Variants in GNMT observed in about 807,000 individuals in gnomAD.
GNMT encodes glycine N-methyltransferase.
In GNMT, 26 loss-of-function variants were observed where a neutral mutation model predicts 30.2. The ratio of observed to expected loss-of-function variants is 0.86; its 90% CI spans 0.63 to 1.19. GNMT has a LOEUF of 1.19. Among genes scored for constraint, GNMT ranks in the 50% most tolerant of loss-of-function variants. The pLI is 0.00. For synonymous variants in GNMT, 163 were observed against 163.8 expected (o/e 1.00, Z 0.04); for missense variants, 365 against 398.1 (o/e 0.92, Z 0.71).
chr6:42,962,976 T>G (rs577108844), intron 3 of GNMT, 96 bp from the exon 4 acceptor site: 51 of 1,585,566 alleles, frequency 3.2e-5, no homozygotes, highest in Non-Finnish European at 4.3e-5. Context: ...CTCTCTGCCT[T>G]GGCTCTGGCA....
chr6:42,963,835 TC>T lies in GNMT; in HGVS notation c.*131del. 1 of 822,550 alleles carries T rather than the reference TC, an allele frequency of 1.2e-6. No individual in the cohort carries two copies. The highest frequency in any genetic ancestry group is 2.1e-6 in the Non-Finnish European group (1 of 485,138). 51.0% of individuals were successfully genotyped at this position (822,550 alleles called of 1,614,324 possible). A position where few individuals can be genotyped will look rare whatever the true frequency, so the allele number is the denominator to read the frequency against. On this transcript the variant is annotated 3_prime_UTR_variant, in exon 6 of 6. Transcript: ENST00000372808. ...ACAGCTGGGGTGCAGGGATGTGGGT[TC>T]CACAGACGGAAGGGTAAACAATATA...
rs121907888 is a variant in GNMT, at chr6:42,960,916, T to C, written c.149T>C (p.Leu50Pro). 3.2e-6 allele frequency: 5 copies of C among 1,563,860 alleles called. No individual in the cohort carries two copies. The East Asian group carries it at 9.4e-5, about 29-fold the overall frequency. ...ACCGCCGAGTACAAGGCATGGCTGC[T>C]TGGGCTGCTGCGCCAGCACGGCTGC... ...SRTAEYKAWLLGLLRQHGCQR... is the reference protein window; with the variant it reads ...SRTAEYKAWLPGLLRQHGCQR... Residue 50 changes from leucine to proline, a missense_variant, in exon 1 of 6, where the codon CTT (leucine) becomes CCT (proline). Around this residue, in one of 3 missense-constraint regions of GNMT, gnomAD observed 125 missense variants for 112.0 expected, o/e 1.12. Coordinates refer to ENST00000372808, the MANE Select transcript of GNMT (RefSeq NM_018960.6).
intron 1 of GNMT, among the ~76,000 whole-genome samples, chr6:42,961,959 A>T (rs962525138): frequency 6.6e-6 from 1 of 152,082 alleles, no homozygotes; most frequent in Non-Finnish European, 1.5e-5. Context: ...GACACTATTT[A>T]CCTCTCAGGA....
intron 3 of GNMT, 90 bp downstream of exon 3, chr6:42,962,968 C>A (rs1317091612): frequency 1.1e-5 from 18 of 1,578,032 alleles, no homozygotes; most frequent in Non-Finnish European, 1.1e-5. Flanking sequence ...AAAGCAGACT[C>A]TCTGCCTTGG....
intron 2 of GNMT, 121 bp from the exon 3 acceptor site, chr6:42,962,640 CT>C (rs1561815894): frequency 1.2e-6 from 1 of 830,444 alleles, no homozygotes. Context: ...TCTCCTCCCC[CT>C]AACTGAACGG....
chr6:42,963,656 C>G lies in GNMT; in HGVS notation c.838C>G (p.Gln280Glu). The G allele has an allele frequency of 6.2e-7, 1 of 1,614,170 alleles. No individual in the cohort carries two copies. Among genetic ancestry groups the G allele is most frequent in the Non-Finnish European group, 8.5e-7 (1 of 1,179,992 alleles). The change falls in exon 6 of 6, where the codon CAA becomes GAA. Residue 280 changes from glutamine (Q) to glutamate (E), a missense_variant. Transcript: ENST00000372808. ...LGDFKPYKPG[Q>E]TYIPCYFIHV... ...CGACTTCAAGCCTTACAAGCCAGGC[C>G]AAACCTACATTCCCTGCTACTTCAT...
chr6:42,963,075 A>C lies in GNMT; in HGVS notation c.455A>C (p.Asp152Ala). Residue 152 changes from aspartate (D) to alanine (A), a missense_variant, in exon 4 of 6, where the codon GAC becomes GCC. Asp to Ala is a moderately radical substitution (Grantham distance 126). Coordinates refer to ENST00000372808, the MANE Select transcript of GNMT (RefSeq NM_018960.6). ...TCTGCCCGTGCCTGGAGCTCAGGGG[A>C]CCAGAGTGAGCACCGGCTGGCGCTG... ...SFAHLPDCKG[D>A]QSEHRLALKN... 6.2e-7 allele frequency: 1 copy of C among 1,611,660 alleles called. No individual in the cohort carries two copies. The highest frequency in any genetic ancestry group is 1.1e-5 in the South Asian group (1 of 90,998).
intron 1 of GNMT, among the ~76,000 whole-genome samples, chr6:42,961,550 C>CTTTTTT (rs575786265): frequency 1.1e-4 from 15 of 130,636 alleles, no homozygotes; most frequent in African/African-American, 2.8e-4. Context: ...CTATTTTTCT[C>CTTTTTT]TTTTTTTTTT....
At position 42,962,239 on chromosome 6, in the gene GNMT, G is replaced by A. The variant is rs1398349673; in HGVS notation, c.234G>A (p.Glu78=). The A allele has an allele frequency of 2.5e-6, 4 of 1,614,164 alleles. No homozygotes were observed. Among genetic ancestry groups the A allele is most frequent in the Non-Finnish European group, 3.4e-6 (4 of 1,180,026 alleles). ...TGGACTCCATTATGCTGGTGGAAGA[G>A]GGCTTCAGTGTGACGAGTGTGGATG... is the stretch of plus-strand genomic sequence containing the variant. ...TGVDSIMLVE[E]GFSVTSVDAS... The change falls in exon 2 of 6, where the codon GAG becomes GAA. Residue 78 remains glutamate, a synonymous_variant. Transcript: ENST00000372808.
chr6:42,962,429 A>G, intron 2 of GNMT, 90 bp downstream of exon 2: 6 of 1,398,612 alleles, frequency 4.3e-6, no homozygotes, highest in Non-Finnish European at 5.0e-6. Context: ...GCGGGGGTGG[A>G]GTGTTGTGTT....
chr6:42,961,041 C>T, intron 1 of GNMT, 68 bp downstream of exon 1: 1 of 1,306,700 alleles, frequency 7.7e-7, no homozygotes. Flanking sequence ...ACTGCGCGGC[C>T]GCAGAACCAC....
rs1769441396 is a variant in GNMT at position 42,962,303 on chromosome 6, T to C, written c.298T>C (p.Trp100Arg). The C allele has an allele frequency of 1.1e-5, 18 of 1,614,010 alleles. No individual in the cohort carries two copies. Among genetic ancestry groups the C allele is most frequent in the Non-Finnish European group, 1.5e-5 (18 of 1,180,022 alleles). ...KMLKYALKER[W>R]NRRHEPAFDK... ...GCTGAAGTATGCACTTAAGGAGCGC[T>C]GGAACCGGCGGCACGAGCCCGCCTT... is the stretch of plus-strand genomic sequence containing the variant. The change falls in exon 2 of 6, where the codon TGG (tryptophan) becomes CGG (arginine). Residue 100 changes from tryptophan (W) to arginine (R), a missense_variant. Physicochemically the swap from Trp to Arg is moderately radical, Grantham distance 101. Around this residue, in one of 3 missense-constraint regions of GNMT, gnomAD observed 232 missense variants for 263.0 expected, o/e 0.88. Coordinates refer to ENST00000372808, the MANE Select transcript of GNMT (RefSeq NM_018960.6).
intron 1 of GNMT, 92 bp downstream of exon 1, chr6:42,961,065 T>G (rs996196206): frequency 2.7e-6 from 3 of 1,123,912 alleles, no homozygotes; most frequent in African/African-American, 3.2e-5. Context: ...GCCGGGCACG[T>G]CAGGGCGGCC....
In GNMT at chr6:42,962,874, C is replaced by T; in HGVS notation, c.447C>T (p.Cys149=). The change falls in exon 3 of 6, where the codon TGC becomes TGT. Residue 149 remains cysteine (C), a synonymous_variant. Transcript: ENST00000372808. ...LGNSFAHLPD[C]KGDQSEHRLA... is the part of the protein sequence containing the mutation. ...ACAGTTTCGCTCACTTGCCAGACTG[C>T]AAAGGTAAGAGAGGGTGTGGCCTTG... is the stretch of plus-strand genomic sequence containing the variant. 2 of 1,611,722 alleles carry T rather than the reference C, an allele frequency of 1.2e-6. No homozygotes were observed. Among genetic ancestry groups the T allele is most frequent in the Non-Finnish European group, 1.7e-6 (2 of 1,177,752 alleles).
At position 42,960,868 on chromosome 6, in the gene GNMT, A is replaced by G. The variant is rs2114223443; in HGVS notation, c.101A>G (p.Tyr34Cys). Residue 34 changes from tyrosine to cysteine, a missense_variant, in exon 1 of 6, where the codon TAT (tyrosine) becomes TGT (cysteine). Physicochemically the swap from Tyr to Cys is radical, Grantham distance 194. Coordinates refer to ENST00000372808, the MANE Select transcript of GNMT (RefSeq NM_018960.6). The stretch of plus-strand genomic sequence containing the variant: ...GAGGCGGCGCGCGTGTGGCAGCTGT[A>G]TATCGGAGACACCCGCAGCCGCACC... ...DGEAARVWQLYIGDTRSRTAE... is the reference protein window; with the variant it reads ...DGEAARVWQLCIGDTRSRTAE... 7.1e-6 allele frequency: 11 copies of G among 1,555,674 alleles called. No homozygotes were observed. The South Asian group carries it at 1.3e-4, about 18-fold the overall frequency.
In GNMT at chr6:42,963,542, C is replaced by T. The variant is rs946974235; in HGVS notation, c.724C>T (p.Arg242Trp). Residue 242 changes from arginine to tryptophan, a missense_variant, in exon 6 of 6, where the codon CGG (arginine) becomes TGG (tryptophan). Coordinates refer to ENST00000372808, the MANE Select transcript of GNMT (RefSeq NM_018960.6). ...QDGSPGLSKF[R>W]LSYYPHCLAS... ...CTGGGGCCTCTGTTACAGTAAGTTCCGGCTCTCCTACTACCCACACTGTCT... is the reference window on the plus strand; with the variant it reads ...CTGGGGCCTCTGTTACAGTAAGTTCTGGCTCTCCTACTACCCACACTGTCT... 20 of 1,613,864 alleles carry T rather than the reference C, an allele frequency of 1.2e-5. No homozygotes were observed. The highest frequency in any genetic ancestry group is 4.0e-5 in the African/African-American group (3 of 74,906).
chr6:42,963,737 CA>C lies in GNMT; in HGVS notation c.*32del. 1 of 1,607,814 alleles carries C rather than the reference CA, an allele frequency of 6.2e-7. No individual in the cohort carries two copies. ...GCCTCAGCTCCCACAAGCCTCTGCCCAGGCACTGCTAGGCTCTGTCTGGAAG... is the reference window on the plus strand; with the variant it reads ...GCCTCAGCTCCCACAAGCCTCTGCCCGGCACTGCTAGGCTCTGTCTGGAAG... On this transcript the variant is annotated 3_prime_UTR_variant, in exon 6 of 6. Transcript: ENST00000372808.
At chr6:42,962,987 C>A (rs1410719599) in intron 3 of GNMT, 85 bp from the exon 4 acceptor site, 1 of 1,597,272 alleles carries the variant, frequency 6.3e-7, no homozygotes, top group Non-Finnish European at 8.6e-7. Context: ...GGCTCTGGCA[C>A]CCCTGGGGAG....
intron 1 of GNMT, among the ~76,000 whole-genome samples, 187 bp from the exon 2 acceptor site, chr6:42,962,025 T>TA (rs1335285635): frequency 5.3e-5 from 8 of 152,082 alleles, no homozygotes; most frequent in Admixed American, 2.0e-4. Flanking sequence ...GAGGTGCTTT[T>TA]AAAAAAAAGT....
Sources: gnomAD v4.1 joint callset for allele counts (sites outside exome capture counted in the v4.1 genomes callset) on GRCh38, gnomAD v4.1.1 for gene constraint, gnomAD v4.1.1 regional missense constraint, MANE v1.5 for transcripts, NCBI Gene and HGNC (gene_info 2026-07-23, HGNC 2026-07-21) for gene names.